RIN2: variants seen among roughly 807,000 people sequenced by gnomAD.
The protein encoded by RIN2 is RAB5 interacting protein 2.
RIN2 carries 36 observed loss-of-function variants against 78.0 expected under a neutral mutation model. The observed-to-expected ratio is 0.46, with a 90% CI of 0.35 to 0.61. The LOEUF (loss-of-function observed/expected upper bound fraction) is 0.61. RIN2 is among the 20% of genes least tolerant of loss of function. RIN2 has a pLI of 0.00. For synonymous variants in RIN2, 466 were observed against 466.8 expected, an observed-to-expected ratio of 1.00 and a Z score of 0.02; for missense variants, 1,087 against 1,159.7, an observed-to-expected ratio of 0.94 and a Z score of 0.91.
At chr20:19,827,438 T>G (rs1033141150) in intron 2 of RIN2, among the ~76,000 whole-genome samples, 1 of 152,218 alleles carries the variant, frequency 6.6e-6, no homozygotes, top group Non-Finnish European at 1.5e-5. Context: ...ATCTCTCAAA[T>G]GGCCCTGGAG....
At chr20:19,881,122 A>G (rs947573685) in intron 2 of RIN2, among the ~76,000 whole-genome samples, 1 of 152,190 alleles carries the variant, frequency 6.6e-6, no homozygotes, top group African/African-American at 2.4e-5. Flanking sequence ...CTCTTCAGAG[A>G]CCTTGTGGTT....
At chr20:19,803,229 C>G (rs2035303279) in intron 2 of RIN2, among the ~76,000 whole-genome samples, 1 of 152,048 alleles carries the variant, frequency 6.6e-6, no homozygotes, top group Non-Finnish European at 1.5e-5. Flanking sequence ...GCTTAGAAGC[C>G]TGATAATAAT....
intron 2 of RIN2, among the ~76,000 whole-genome samples, chr20:19,859,936 A>C (rs1278673168): frequency 1.3e-5 from 2 of 152,172 alleles, no homozygotes; most frequent in African/African-American, 2.4e-5. Context: ...TGAAACAAGG[A>C]AGGGAAGGAA....
chr20:19,915,374 G>A (rs1301233094), intron 3 of RIN2, among the ~76,000 whole-genome samples: 1 of 152,132 alleles, frequency 6.6e-6, no homozygotes, highest in Non-Finnish European at 1.5e-5. Context: ...GGGCTGCCCT[G>A]GGGTATTAAC....
rs114775634 is a variant in RIN2, at chr20:19,800,735, G to A, written c.-37+988G>A. ...TGCTAAACCATCCCTGCTGATCCCT[G>A]CTCCTATAGCAGATTCATGAGCAAA... On this transcript the variant is annotated intron_variant, in intron 2 of 12. Coordinates refer to ENST00000255006, the MANE Select transcript of RIN2 (RefSeq NM_018993.4). Among the ~76,000 whole-genome samples the A allele has an allele frequency of 2.8e-3, 427 of 152,286 alleles. 1 individual carries two copies. Among genetic ancestry groups the A allele is most frequent in the African/African-American group, 9.9e-3 (412 of 41,540 alleles).
intron 1 of RIN2, among the ~76,000 whole-genome samples, chr20:19,781,256 A>G (rs1220777738): frequency 6.6e-6 from 1 of 152,234 alleles, no homozygotes; most frequent in African/African-American, 2.4e-5. Flanking sequence ...CATCTGGGAC[A>G]TAGAAGACAC....
At chr20:19,846,559 C>T (rs1417670215) in intron 2 of RIN2, among the ~76,000 whole-genome samples, 2 of 152,142 alleles carry the variant, frequency 1.3e-5, no homozygotes, top group Non-Finnish European at 2.9e-5. Flanking sequence ...GATTTTTGCA[C>T]ATTGGTTTTG....
At chr20:19,970,595 C>G (rs952432206) in intron 7 of RIN2, among the ~76,000 whole-genome samples, 2 of 152,064 alleles carry the variant, frequency 1.3e-5, no homozygotes, top group Admixed American at 1.3e-4. Flanking sequence ...GCAATTGGGT[C>G]CCTACTTTGA....
chr20:19,885,420 C>T (rs972065862), intron 2 of RIN2, among the ~76,000 whole-genome samples: 1 of 152,154 alleles, frequency 6.6e-6, no homozygotes, highest in Non-Finnish European at 1.5e-5. Flanking sequence ...AATCCCAGCA[C>T]TTTGGGAGGC....
chr20:19,958,877 A>G (rs1171467391), intron 5 of RIN2, among the ~76,000 whole-genome samples: 1 of 152,162 alleles, frequency 6.6e-6, no homozygotes, highest in Non-Finnish European at 1.5e-5. Context: ...TAAAAATAAA[A>G]TAATTAAATA....
intron 8 of RIN2, among the ~76,000 whole-genome samples, chr20:19,971,217 A>G (rs2042096739): frequency 6.6e-6 from 1 of 151,250 alleles, no homozygotes; most frequent in South Asian, 2.1e-4. Flanking sequence ...ACGGGCATTG[A>G]CGGCACTTCT....
intron 3 of RIN2, among the ~76,000 whole-genome samples, chr20:19,932,687 A>G (rs1162286425): frequency 6.6e-6 from 1 of 151,636 alleles, no homozygotes; most frequent in African/African-American, 2.4e-5. Context: ...TTCTCCATCG[A>G]CCTCTCTCCT....
At chr20:19,838,781 A>G (rs1259534559) in intron 2 of RIN2, among the ~76,000 whole-genome samples, 1 of 151,936 alleles carries the variant, frequency 6.6e-6, no homozygotes, top group African/African-American at 2.4e-5. Flanking sequence ...GCACACCTGC[A>G]CTCCGGCGTC....
intron 1 of RIN2, among the ~76,000 whole-genome samples, chr20:19,786,804 T>C (rs899864239): frequency 6.6e-6 from 1 of 152,212 alleles, no homozygotes; most frequent in African/African-American, 2.4e-5. Flanking sequence ...ACAGAACATG[T>C]CTCTTTGGGG....
chr20:19,852,798 A>G (rs2037025017), intron 2 of RIN2, among the ~76,000 whole-genome samples: 1 of 152,212 alleles, frequency 6.6e-6, no homozygotes, highest in Non-Finnish European at 1.5e-5. Context: ...ACAGTCACCT[A>G]GTCACTTAAG....
intron 7 of RIN2, among the ~76,000 whole-genome samples, chr20:19,969,203 GCCTAATTTTA>G (rs1463370208): frequency 6.6e-6 from 1 of 152,110 alleles, no homozygotes; most frequent in Non-Finnish European, 1.5e-5. Context: ...CAAGAATGTT[GCCTAATTTTA>G]CCGTAAACAA....
At chr20:19,972,066 A>T (rs983780648) in intron 8 of RIN2, among the ~76,000 whole-genome samples, 5 of 152,226 alleles carry the variant, frequency 3.3e-5, no homozygotes, top group African/African-American at 1.2e-4. Flanking sequence ...GTATCTGTAG[A>T]AGGATTGCCT....
At chr20:20,000,382 A>T (rs2043106573) in intron 12 of RIN2, among the ~76,000 whole-genome samples, 1 of 152,206 alleles carries the variant, frequency 6.6e-6, no homozygotes, top group African/African-American at 2.4e-5. Flanking sequence ...CCAGGGCTGC[A>T]TGGACTTCCT....
At chr20:19,827,715 C>T (rs1247479881) in intron 2 of RIN2, among the ~76,000 whole-genome samples, 1 of 152,062 alleles carries the variant, frequency 6.6e-6, no homozygotes, top group African/African-American at 2.4e-5. Flanking sequence ...TAATGCTGGT[C>T]TCCTCTTCCT....
Sources: allele counts gnomAD v4.1 joint callset (sites outside exome capture counted in the v4.1 genomes callset), GRCh38; gene constraint gnomAD v4.1.1; transcripts MANE v1.5; gene names NCBI Gene and HGNC (gene_info 2026-07-23, HGNC 2026-07-21).